The following ZNF385B variants were observed in gnomAD, a reference collection of about 807,000 sequenced individuals.
ZNF385B encodes the protein zinc finger protein 533.
ZNF385B carries 23 observed loss-of-function variants against 39.2 expected under a neutral mutation model. The ratio of observed to expected loss-of-function variants is 0.59; its 90% CI spans 0.42 to 0.83. The LOEUF (loss-of-function observed/expected upper bound fraction) is 0.83, where lower values mean the gene tolerates loss of function less well. ZNF385B is among the 40% of genes least tolerant of loss of function. The pLI is 0.00. For missense variants in ZNF385B, 552 were observed against 598.9 expected (o/e 0.92, Z 0.82); for synonymous variants, 205 against 222.6 (o/e 0.92, Z 0.70).
chr2:179,748,305 T>C (rs928093166), intron 3 of ZNF385B, among the ~76,000 whole-genome samples: 1 of 152,094 alleles, frequency 6.6e-6, no homozygotes, highest in Non-Finnish European at 1.5e-5. Context: ...ATAATAATAG[T>C]ACTCATTGAT....
intron 3 of ZNF385B, among the ~76,000 whole-genome samples, chr2:179,729,823 G>T (rs1171718378): frequency 6.6e-6 from 1 of 152,134 alleles, no homozygotes; most frequent in African/African-American, 2.4e-5. Context: ...CATGAGATCT[G>T]ATGGTTTTAT....
intron 1 of ZNF385B, among the ~76,000 whole-genome samples, chr2:179,840,615 T>C (rs1409053756): frequency 5.1e-4 from 77 of 152,332 alleles, no homozygotes; most frequent in African/African-American, 4.8e-5. Context: ...TTGTGATATA[T>C]AAGGAATGAT....
chr2:179,670,603 A>G (rs1056364547), intron 3 of ZNF385B, among the ~76,000 whole-genome samples: 9 of 152,236 alleles, frequency 5.9e-5, no homozygotes, highest in African/African-American at 2.2e-4. Flanking sequence ...ATATTTAATA[A>G]CTGGCAAAAG....
chr2:179,802,138 G>A (rs1385086056), intron 1 of ZNF385B, among the ~76,000 whole-genome samples: 1 of 152,088 alleles, frequency 6.6e-6, no homozygotes, highest in Admixed American at 6.6e-5. Flanking sequence ...TTTCATCAGA[G>A]GTAAGCAGCT....
intron 1 of ZNF385B, among the ~76,000 whole-genome samples, chr2:179,819,246 T>C (rs746659929): frequency 5.3e-5 from 8 of 152,318 alleles, no homozygotes; most frequent in Middle Eastern, 3.4e-3. Context: ...AAGGGACTTA[T>C]GGCTTTCAAT....
intron 3 of ZNF385B, among the ~76,000 whole-genome samples, chr2:179,695,263 C>G (rs1303526851): frequency 6.6e-6 from 1 of 151,902 alleles, no homozygotes; most frequent in Non-Finnish European, 1.5e-5. Flanking sequence ...TACCACACAA[C>G]CAGTTTGAAT....
chr2:179,753,936 C>A (rs965330623), intron 3 of ZNF385B, among the ~76,000 whole-genome samples: 3 of 152,102 alleles, frequency 2.0e-5, no homozygotes, highest in African/African-American at 4.8e-5. Flanking sequence ...CTTTCTCCTG[C>A]CTGATTTCCC....
At chr2:179,688,087 A>G (rs1356326034) in intron 3 of ZNF385B, among the ~76,000 whole-genome samples, 2 of 151,932 alleles carry the variant, frequency 1.3e-5, no homozygotes, top group East Asian at 1.9e-4. Context: ...TCCCTTTTCT[A>G]CCCTCAAGGA....
chr2:179,755,869 G>A (rs1324655935), intron 3 of ZNF385B, among the ~76,000 whole-genome samples: 5 of 152,136 alleles, frequency 3.3e-5, no homozygotes, highest in Non-Finnish European at 5.9e-5. Flanking sequence ...ACACTGATAG[G>A]TCTTGAATCT....
At chr2:179,780,356 C>T (rs1433957575) in intron 1 of ZNF385B, among the ~76,000 whole-genome samples, 2 of 152,120 alleles carry the variant, frequency 1.3e-5, no homozygotes, top group Non-Finnish European at 2.9e-5. Flanking sequence ...CACAGGAGTC[C>T]CAGAGGGCTG....
chr2:179,447,667 T>A (rs1159169652), intron 6 of ZNF385B, among the ~76,000 whole-genome samples: 1 of 152,188 alleles, frequency 6.6e-6, no homozygotes. Context: ...GAGCTGGTAC[T>A]CTTAGAAAAT....
At chr2:179,733,280 G>A (rs560649920) in intron 3 of ZNF385B, among the ~76,000 whole-genome samples, 1 of 152,256 alleles carries the variant, frequency 6.6e-6, no homozygotes, top group South Asian at 2.1e-4. Context: ...CAGTTACCTG[G>A]TGGGATGACT....
chr2:179,832,374 C>T (rs1214311562), intron 1 of ZNF385B, among the ~76,000 whole-genome samples: 3 of 152,152 alleles, frequency 2.0e-5, no homozygotes, highest in African/African-American at 2.4e-5. Context: ...CATCAGACTA[C>T]AGTATAAATG....
At chr2:179,611,705 C>G (rs1689303268) in intron 3 of ZNF385B, among the ~76,000 whole-genome samples, 1 of 152,132 alleles carries the variant, frequency 6.6e-6, no homozygotes, top group Non-Finnish European at 1.5e-5. Context: ...GATCTCATTA[C>G]TTGTTATTGG....
intron 3 of ZNF385B, among the ~76,000 whole-genome samples, chr2:179,717,198 C>G (rs1700382344): frequency 6.6e-6 from 1 of 152,144 alleles, no homozygotes; most frequent in South Asian, 2.1e-4. Context: ...AAAATTATTT[C>G]CAAGTGACTG....
chr2:179,854,569 G>A (rs1684431694), intron 1 of ZNF385B, among the ~76,000 whole-genome samples: 1 of 152,116 alleles, frequency 6.6e-6, no homozygotes, highest in Non-Finnish European at 1.5e-5. Flanking sequence ...GCCCTGGCTT[G>A]AAATCAGTAT....
At chr2:179,676,921 C>T (rs1247146175) in intron 3 of ZNF385B, among the ~76,000 whole-genome samples, 1 of 152,094 alleles carries the variant, frequency 6.6e-6, no homozygotes, top group Non-Finnish European at 1.5e-5. Flanking sequence ...GTAATATGGG[C>T]TTAATGTCAG....
chr2:179,512,996 T>C (rs1204389918), intron 5 of ZNF385B, among the ~76,000 whole-genome samples: 1 of 152,124 alleles, frequency 6.6e-6, no homozygotes, highest in Non-Finnish European at 1.5e-5. Context: ...ATATTGAATT[T>C]TAATGCATGA....
chr2:179,702,365 AT>A (rs1303411332), intron 3 of ZNF385B, among the ~76,000 whole-genome samples: 1 of 152,188 alleles, frequency 6.6e-6, no homozygotes, highest in Non-Finnish European at 1.5e-5. Flanking sequence ...TACGTACTTT[AT>A]TTCAATTTAT....
Sources: gnomAD v4.1 joint callset for allele counts (sites outside exome capture counted in the v4.1 genomes callset) on GRCh38, gnomAD v4.1.1 for gene constraint, MANE v1.5 for transcripts, NCBI Gene and HGNC (gene_info 2026-07-23, HGNC 2026-07-21) for gene names.